Variants in TNRC18 observed in about 807,000 individuals in gnomAD.
TNRC18 encodes trinucleotide repeat containing 18.
A neutral mutation model predicts 226.7 loss-of-function variants in TNRC18; 69 were observed. The observed-to-expected ratio is 0.30, with a 90% CI of 0.25 to 0.37. The LOEUF (loss-of-function observed/expected upper bound fraction) is 0.37, where lower values mean the gene tolerates loss of function less well. TNRC18 is among the 10% of genes least tolerant of loss of function. The pLI is 1.00. For synonymous variants in TNRC18, 2,449 were observed against 1,927.6 expected (o/e 1.27, Z -7.09); for missense variants, 4,754 against 4,256.6 (o/e 1.12, Z -3.25).
At position 5,386,686 on chromosome 7, in the gene TNRC18, G is replaced by C. The variant is rs1342632102; in HGVS notation, c.2152+986C>G. 3.1e-4 allele frequency among the ~76,000 whole-genome samples: 47 copies of C among 152,122 alleles called. 1 individual carries two copies. The highest frequency in any genetic ancestry group is 1.0e-4 in the Non-Finnish European group (7 of 67,998). The stretch of plus-strand genomic sequence containing the variant: ...GATCGCTTGAGCCCAGGAGGTCAAG[G>C]CTACGGTAAGCTATGATCACACCAC... On this transcript the variant is annotated intron_variant, in intron 5 of 29. Transcript: ENST00000430969.
rs891847254 is a variant in TNRC18, at chr7:5,334,382, C to T, written c.5720-1333G>A. Among the ~76,000 whole-genome samples the T allele has an allele frequency of 1.8e-4, 27 of 151,910 alleles. 1 individual carries two copies. The highest frequency in any genetic ancestry group is 2.8e-4 in the Non-Finnish European group (19 of 67,952). On this transcript the variant is annotated intron_variant, in intron 18 of 29. Transcript: ENST00000430969. ...CGTGATCTCGGCTCACTGCAAGCTCCGCTTCCCGGGTTCATGCCATTCTCC... is the reference window on the plus strand; with the variant it reads ...CGTGATCTCGGCTCACTGCAAGCTCTGCTTCCCGGGTTCATGCCATTCTCC...
At chr7:5,374,594 C>A (rs1340923618) in intron 9 of TNRC18, 110 bp from the exon 10 acceptor site, 2 of 1,182,348 alleles carry the variant, frequency 1.7e-6, no homozygotes, top group African/African-American at 3.2e-5. Flanking sequence ...GAACCTCATG[C>A]AGGGCCTGGG....
At chr7:5,363,913 G>A (rs1054088552) in intron 11 of TNRC18, among the ~76,000 whole-genome samples, 1 of 151,976 alleles carries the variant, frequency 6.6e-6, no homozygotes, top group Admixed American at 6.6e-5. Context: ...TCCCTCCCTC[G>A]GGAGGCTACT....
chr7:5,416,202 C>T (rs927665674), intron 2 of TNRC18, among the ~76,000 whole-genome samples: 1 of 150,134 alleles, frequency 6.7e-6, no homozygotes, highest in African/African-American at 2.5e-5. Context: ...ATCAAGAGGT[C>T]AGGAGATCGA....
Position 5,315,100 on chromosome 7 carries a change from C to A in TNRC18, c.6911G>T (p.Ser2304Ile). Reference sequence around the variant, plus strand: ...CCCAGTGTCTTTGCTGGTCTTCCGGCTGCGGCGCTTGGCACTTGGCACCAG... The same window carrying A: ...CCCAGTGTCTTTGCTGGTCTTCCGGATGCGGCGCTTGGCACTTGGCACCAG... ...ALLVPSAKRR[S>I]RKTSKDTGEG... is the part of the protein sequence containing the mutation. Residue 2304 changes from serine (S) to isoleucine (I), a missense_variant, in exon 26 of 30, where the codon AGC becomes ATC. Ser to Ile is a moderately radical substitution (Grantham distance 142, BLOSUM62 -2). Transcript: ENST00000430969. 2 of 1,613,028 alleles carry A rather than the reference C, an allele frequency of 1.2e-6. No homozygotes were observed. Among genetic ancestry groups the A allele is most frequent in the Non-Finnish European group, 1.7e-6 (2 of 1,179,688 alleles).
At chr7:5,345,030 C>T (rs1486494091) in intron 18 of TNRC18, among the ~76,000 whole-genome samples, 5 of 152,182 alleles carry the variant, frequency 3.3e-5, no homozygotes, top group Non-Finnish European at 7.4e-5. Flanking sequence ...CTGACTCCTC[C>T]AGGCTCAAGC....
Position 5,312,744 on chromosome 7 carries a change from G to T in TNRC18, c.8147C>A (p.Ser2716Tyr), listed in dbSNP as rs1183121106. The change falls in exon 27 of 30, where the codon TCC (serine) becomes TAC (tyrosine). Residue 2716 changes from serine to tyrosine, a missense_variant. Coordinates refer to ENST00000430969, the MANE Select transcript of TNRC18 (RefSeq NM_001080495.3). This position sits in a 1 kb window ranked among gnomAD's most constrained non-coding sequence, Gnocchi z 6.3. ...GGGCGCGGGCGTCTTCTTGCCTGGG[G>T]AGTGGGCCGAGGGCCGCGCCTTGCC... Reference protein sequence around the residue: ...QAGKARPSAHSPGKKTPAPQP... With the variant: ...QAGKARPSAHYPGKKTPAPQP... 2 of 1,541,954 alleles carry T rather than the reference G, an allele frequency of 1.3e-6. No homozygotes were observed. Among genetic ancestry groups the T allele is most frequent in the African/African-American group, 2.8e-5 (2 of 72,600 alleles).
intron 14 of TNRC18, among the ~76,000 whole-genome samples, 153 bp downstream of exon 14, chr7:5,361,441 C>T (rs1267848972): frequency 6.6e-6 from 1 of 152,216 alleles, no homozygotes; most frequent in Non-Finnish European, 1.5e-5. Context: ...CCGGGCAGCA[C>T]AGGCCGTGCT....
rs1026156913 is a variant in TNRC18 at position 5,307,823 on chromosome 7, G to C, written c.*283C>G. 2 of 490,358 alleles carry C rather than the reference G, an allele frequency of 4.1e-6. No homozygotes were observed. The highest frequency in any genetic ancestry group is 3.9e-5 in the African/African-American group (2 of 51,358). 30.4% of individuals were successfully genotyped at this position (490,358 alleles called of 1,614,324 possible). A position where few individuals can be genotyped will look rare whatever the true frequency, so the allele number is the denominator to read the frequency against. ...CCTGGCCAAGTGCTTGCAACGTGCTGGGCAGGAAGGGCCGGTCCGGCCATA... is the reference window on the plus strand; with the variant it reads ...CCTGGCCAAGTGCTTGCAACGTGCTCGGCAGGAAGGGCCGGTCCGGCCATA... On this transcript the variant is annotated 3_prime_UTR_variant, in exon 30 of 30. Transcript: ENST00000430969.
intron 5 of TNRC18, among the ~76,000 whole-genome samples, 178 bp from the exon 6 acceptor site, chr7:5,378,202 C>G (rs1583985034): frequency 6.6e-6 from 1 of 152,122 alleles, no homozygotes; most frequent in Admixed American, 6.6e-5. Context: ...CTCCCCCAAA[C>G]CCCAACTGGG....
chr7:5,382,798 G>C (rs75131663), intron 5 of TNRC18, among the ~76,000 whole-genome samples: 12 of 152,148 alleles, frequency 7.9e-5, no homozygotes, highest in African/African-American at 1.4e-4. Context: ...CATCTGAATG[G>C]GGAGAGTAAC....
chr7:5,420,165 C>G (rs145766352), intron 2 of TNRC18: 181 of 334,108 alleles, frequency 5.4e-4, no homozygotes, highest in Middle Eastern at 2.1e-3. Context: ...CCCGCCCCGG[C>G]GCAGCGCCCG....
At chr7:5,365,479 C>A (rs1219991071) in intron 11 of TNRC18, among the ~76,000 whole-genome samples, 1 of 151,938 alleles carries the variant, frequency 6.6e-6, no homozygotes, top group Non-Finnish European at 1.5e-5. Flanking sequence ...AAGAGCCTCA[C>A]CAGTGTGATG....
In TNRC18 at chr7:5,332,841, G is replaced by A. The variant is rs1479766234; in HGVS notation, c.5928C>T (p.Gly1976=). ...EKGRKARKLR[G]PKEPGFEAGP... ...CCGCCTCGAAGCCAGGCTCCTTGGG[G>A]CCCCGCAGCTTCCGGGCCTTGCGCC... Residue 1976 remains glycine, a synonymous_variant, in exon 19 of 30, where the codon GGC becomes GGT. Transcript: ENST00000430969. 1.7e-5 allele frequency: 25 copies of A among 1,509,510 alleles called. No individual in the cohort carries two copies. The highest frequency in any genetic ancestry group is 2.0e-5 in the Non-Finnish European group (23 of 1,138,236). 93.5% of individuals were successfully genotyped at this position (1,509,510 alleles called of 1,614,324 possible).
chr7:5,376,167 C>T lies in TNRC18; in HGVS notation c.2666G>A (p.Gly889Asp), dbSNP rs1398919463. Residue 889 changes from glycine (G) to aspartate (D), a missense_variant, in exon 9 of 30, where the codon GGC becomes GAC. By Grantham distance (94) the Gly-to-Asp change is moderately conservative. Transcript: ENST00000430969. The stretch of plus-strand genomic sequence containing the variant: ...CTGGGCGTGGTGCAGGGGGCTGCGG[C>T]CCGGCGGGTACAGGGCGGGCCAGAG... The part of the protein sequence containing the change: ...PPLWPALYPP[G>D]RSPLHHAQQL... 3.2e-6 allele frequency: 5 copies of T among 1,573,664 alleles called. No individual in the cohort carries two copies. Among genetic ancestry groups the T allele is most frequent in the South Asian group, 1.2e-5 (1 of 85,684 alleles).
intron 5 of TNRC18, among the ~76,000 whole-genome samples, chr7:5,385,116 T>C (rs1584009708): frequency 6.6e-6 from 1 of 152,072 alleles, no homozygotes; most frequent in East Asian, 1.9e-4. Context: ...GTGCAGGAAG[T>C]GGGAAGGGCA....
chr7:5,332,993 G>A lies in TNRC18; in HGVS notation c.5776C>T (p.Pro1926Ser), dbSNP rs1418371870. The change falls in exon 19 of 30, where the codon CCT becomes TCT. Residue 1926 changes from proline (P) to serine (S), a missense_variant. Pro to Ser is a moderately conservative substitution (Grantham distance 74). Coordinates refer to ENST00000430969, the MANE Select transcript of TNRC18 (RefSeq NM_001080495.3). ...ESEVKVRKRS[P>S]AGLLRPKKGL... ...TTCTTGGGCCGCAGCAGCCCCGCAG[G>A]CGACCGCTTGCGCACCTTGACCTCG... 1 of 1,573,750 alleles carries A rather than the reference G, an allele frequency of 6.4e-7. No individual in the cohort carries two copies. Among genetic ancestry groups the A allele is most frequent in the Non-Finnish European group, 8.6e-7 (1 of 1,168,062 alleles).
At chr7:5,420,456 C>T (rs1423218717) in intron 2 of TNRC18, 1 of 453,468 alleles carries the variant, frequency 2.2e-6, no homozygotes, top group African/African-American at 2.0e-5. Flanking sequence ...GGTGCAGGTT[C>T]CCAGGGCCGC....
At chr7:5,385,369 T>C (rs1229428474) in intron 5 of TNRC18, among the ~76,000 whole-genome samples, 1 of 151,134 alleles carries the variant, frequency 6.6e-6, no homozygotes, top group Non-Finnish European at 1.5e-5. Context: ...GCGCCTGTAG[T>C]CCCAGCTACT....
Sources: gnomAD v4.1 joint callset for allele counts (sites outside exome capture counted in the v4.1 genomes callset) on GRCh38, gnomAD v4.1.1 for gene constraint, Gnocchi (gnomAD v3.1) non-coding constraint, MANE v1.5 for transcripts, NCBI Gene and HGNC (gene_info 2026-07-23, HGNC 2026-07-21) for gene names.